GSK3B: variants seen among roughly 807,000 people sequenced by gnomAD.
GSK3B encodes glycogen synthase kinase-3 beta.
A neutral mutation model predicts 56.4 loss-of-function variants in GSK3B; 15 were observed. That is an observed-to-expected ratio of 0.27 (90% CI 0.18 to 0.41). GSK3B has a LOEUF of 0.41. Among genes scored for constraint, GSK3B ranks in the 10% least tolerant of loss-of-function variants. The pLI, the probability that GSK3B is intolerant of heterozygous loss-of-function variation, is 1.00. For missense variants in GSK3B, 300 were observed against 513.4 expected, an observed-to-expected ratio of 0.58 and a Z score of 4.02; for synonymous variants, 181 against 188.9, an observed-to-expected ratio of 0.96 and a Z score of 0.34.
chr3:120,093,497 T>C lies in GSK3B; in HGVS notation c.-63A>G, dbSNP rs1324557806. On this transcript the variant is annotated 5_prime_UTR_variant, in exon 1 of 11. Coordinates refer to ENST00000264235, the MANE Select transcript of GSK3B (RefSeq NM_001146156.2). ...TCCTTTTCTTCCTTTTGTCTTTATG[T>C]TGGGGTGTTAGGTTAACGATAAATG... is the stretch of plus-strand genomic sequence containing the variant. 4 of 1,087,426 alleles carry C rather than the reference T, an allele frequency of 3.7e-6. No individual in the cohort carries two copies. Among genetic ancestry groups the C allele is most frequent in the Non-Finnish European group, 4.3e-6 (3 of 702,958 alleles). The allele number at this position is 1,087,426 out of a possible 1,614,324, so 67.4% of individuals were successfully genotyped here. A position where few individuals can be genotyped will look rare whatever the true frequency, so the allele number is the denominator to read the frequency against.
Position 119,907,565 on chromosome 3 carries a change from T to A in GSK3B, c.716-1713A>T, listed in dbSNP as rs1029224521. On this transcript the variant is annotated intron_variant, in intron 6 of 10. Transcript: ENST00000264235. Reference sequence around the variant, plus strand: ...GGACAAATGGATGAAATTCTCCAGATAGAATAAAACTTCAACTAAATAGAA... The same window carrying A: ...GGACAAATGGATGAAATTCTCCAGAAAGAATAAAACTTCAACTAAATAGAA... 3.3e-5 allele frequency among the ~76,000 whole-genome samples: 5 copies of A among 152,154 alleles called. No homozygotes were observed. The South Asian group carries it at 8.3e-4, about 25-fold the overall frequency.
At chr3:119,860,746 T>C (rs1199640397) in intron 9 of GSK3B, among the ~76,000 whole-genome samples, 1 of 152,190 alleles carries the variant, frequency 6.6e-6, no homozygotes, top group Non-Finnish European at 1.5e-5. Context: ...AGAGGGAACA[T>C]TAGAAATGCC....
intron 9 of GSK3B, among the ~76,000 whole-genome samples, chr3:119,857,465 T>G (rs982263618): frequency 6.6e-6 from 1 of 152,220 alleles, no homozygotes; most frequent in Admixed American, 6.5e-5. Context: ...CCACTTTTTT[T>G]GCTCATCCAT....
intron 1 of GSK3B, among the ~76,000 whole-genome samples, chr3:120,048,334 T>G (rs1344812596): frequency 6.6e-6 from 1 of 152,194 alleles, no homozygotes; most frequent in African/African-American, 2.4e-5. Flanking sequence ...CTCCAGAGTT[T>G]CTCTTAGAGG....
chr3:119,885,880 C>T (rs1034707107), intron 7 of GSK3B, among the ~76,000 whole-genome samples: 2 of 152,036 alleles, frequency 1.3e-5, no homozygotes, highest in Non-Finnish European at 2.9e-5. Flanking sequence ...CTATCTTTCA[C>T]CATATACAAA....
chr3:119,911,620 T>C (rs551337163), intron 6 of GSK3B, among the ~76,000 whole-genome samples: 1 of 152,318 alleles, frequency 6.6e-6, no homozygotes, highest in African/African-American at 2.4e-5. Context: ...TTGGTCTCCA[T>C]TAAAACTCTG....
intron 2 of GSK3B, among the ~76,000 whole-genome samples, chr3:119,960,746 T>C (rs944005225): frequency 6.6e-6 from 1 of 152,230 alleles, no homozygotes; most frequent in Non-Finnish European, 1.5e-5. Context: ...ACCCCTTCAT[T>C]ACCTCAATCT....
intron 1 of GSK3B, among the ~76,000 whole-genome samples, chr3:120,017,103 C>T (rs2057833889): frequency 6.6e-6 from 1 of 152,090 alleles, no homozygotes. Flanking sequence ...ATTTGGAGGG[C>T]AAGGGTAGAC....
intron 1 of GSK3B, among the ~76,000 whole-genome samples, chr3:120,002,666 T>C (rs1381614437): frequency 6.6e-6 from 1 of 152,200 alleles, no homozygotes; most frequent in Non-Finnish European, 1.5e-5. Context: ...TACTACAAAT[T>C]ATTTTTAGTT....
chr3:120,029,071 T>C, intron 1 of GSK3B: 4 of 760,086 alleles, frequency 5.3e-6, no homozygotes, highest in East Asian at 2.6e-5. Context: ...AGGCTGTGCA[T>C]TTGGATCAGC....
chr3:119,925,071 G>A (rs2056877742), intron 3 of GSK3B, among the ~76,000 whole-genome samples: 1 of 152,202 alleles, frequency 6.6e-6, no homozygotes, highest in Admixed American at 6.5e-5. Context: ...GCTTACGCCT[G>A]TAATCCCAGC....
intron 9 of GSK3B, chr3:119,843,645 C>A: frequency 5.3e-6 from 1 of 189,156 alleles, no homozygotes; most frequent in Non-Finnish European, 1.1e-5. Flanking sequence ...ATATATGCAC[C>A]CAATACAGGA....
chr3:119,856,791 C>G (rs1044900214), intron 9 of GSK3B, among the ~76,000 whole-genome samples: 1 of 152,080 alleles, frequency 6.6e-6, no homozygotes, highest in Admixed American at 6.6e-5. Context: ...TCAAGAGTTC[C>G]TATCCTATGT....
intron 2 of GSK3B, among the ~76,000 whole-genome samples, chr3:119,951,953 T>C (rs1162928520): frequency 1.3e-5 from 2 of 148,574 alleles, no homozygotes; most frequent in South Asian, 2.1e-4. Flanking sequence ...TGAGATGGCA[T>C]TAAAAAAAAA....
intron 1 of GSK3B, 43 bp from the exon 2 acceptor site, chr3:120,002,282 G>T: frequency 8.6e-7 from 1 of 1,165,274 alleles, no homozygotes; most frequent in Non-Finnish European, 1.2e-6. Flanking sequence ...GAACTGTAAG[G>T]AATTAAATAG....
chr3:119,900,497 A>C (rs2056614396), intron 7 of GSK3B, among the ~76,000 whole-genome samples: 1 of 152,114 alleles, frequency 6.6e-6, no homozygotes, highest in South Asian at 2.1e-4. Context: ...ATCTTACCTT[A>C]TTTGAAATTT....
At chr3:120,035,635 T>A (rs1294486576) in intron 1 of GSK3B, among the ~76,000 whole-genome samples, 1 of 152,254 alleles carries the variant, frequency 6.6e-6, no homozygotes, top group Non-Finnish European at 1.5e-5. Flanking sequence ...TCCTTTTTTT[T>A]AGGTATTCAT....
intron 1 of GSK3B, among the ~76,000 whole-genome samples, chr3:120,042,521 A>G (rs573347001): frequency 6.6e-6 from 1 of 152,228 alleles, no homozygotes; most frequent in African/African-American, 2.4e-5. Context: ...AGACCATTCC[A>G]AAGTACCCAA....
intron 7 of GSK3B, among the ~76,000 whole-genome samples, chr3:119,882,228 T>C (rs1301785514): frequency 2.6e-5 from 4 of 152,152 alleles, no homozygotes; most frequent in African/African-American, 9.7e-5. Context: ...ATAAAACAGT[T>C]GAGAAACATA....
Sources: gnomAD v4.1 joint callset for allele counts (sites outside exome capture counted in the v4.1 genomes callset) on GRCh38, gnomAD v4.1.1 for gene constraint, MANE v1.5 for transcripts, NCBI Gene and HGNC (gene_info 2026-07-23, HGNC 2026-07-21) for gene names.